Variants in GATAD1 observed in about 807,000 individuals in gnomAD.
GATAD1 encodes the protein GATA zinc finger domain containing 1.
In GATAD1, 12 loss-of-function variants were observed where a neutral mutation model predicts 26.5. The ratio of observed to expected loss-of-function variants is 0.45; its 90% CI spans 0.29 to 0.73. The LOEUF (loss-of-function observed/expected upper bound fraction) is 0.73, where lower values mean the gene tolerates loss of function less well. Ranked by LOEUF, GATAD1 falls within the 30% of genes least tolerant of loss-of-function variation. The pLI is 0.10. For synonymous variants in GATAD1, 129 were observed against 133.1 expected (o/e 0.97, Z 0.21); for missense variants, 266 against 342.1 (o/e 0.78, Z 1.75).
At chr7:92,448,110 C>A in intron 1 of GATAD1, 132 bp downstream of exon 1, 1 of 542,002 alleles carries the variant, frequency 1.8e-6, no homozygotes, top group South Asian at 9.4e-5. Flanking sequence ...CGCCCCTCCC[C>A]ACCTCCTACT....
At chr7:92,474,748 C>T in the GATAD1 span, 4 of 152,150 alleles carry the variant, frequency 2.6e-5, no homozygotes, top group Non-Finnish European at 5.9e-5. Context: ...TTGTCCTAAC[C>T]CTTGTAAAAC....
Position 92,458,662 on chromosome 7 carries a change from T to C in GATAD1, c.*2100T>C, listed in dbSNP as rs1310111830. On this transcript the variant is annotated 3_prime_UTR_variant, in exon 5 of 5. Coordinates refer to ENST00000287957, the MANE Select transcript of GATAD1 (RefSeq NM_021167.5). ...GATTTTGAGCTGCAGCAGCTTTAAC[T>C]CTTACCCTTTTTCCACATAGTTATG... is the stretch of plus-strand genomic sequence containing the variant. 1 of 152,190 alleles carries C rather than the reference T, an allele frequency of 6.6e-6. No individual in the cohort carries two copies. The highest frequency in any genetic ancestry group is 1.5e-5 in the Non-Finnish European group (1 of 68,026). 9.4% of individuals were successfully genotyped at this position (152,190 alleles called of 1,614,324 possible).
At chr7:92,453,260 C>T (rs1219390664) in intron 3 of GATAD1, among the ~76,000 whole-genome samples, 1 of 152,240 alleles carries the variant, frequency 6.6e-6, no homozygotes, top group Non-Finnish European at 1.5e-5. Context: ...CAATGAATTA[C>T]ACTGTTCCCG....
the GATAD1 span, chr7:92,487,614 C>A: frequency 4.7e-6 from 3 of 644,794 alleles, no homozygotes; most frequent in South Asian, 2.2e-5. Context: ...GGATTGTTGG[C>A]AAACACAATT....
the GATAD1 span, among the ~76,000 whole-genome samples, chr7:92,484,863 A>G: frequency 1.3e-5 from 2 of 152,170 alleles, no homozygotes; most frequent in African/African-American, 4.8e-5. Flanking sequence ...CCGTGTGAAG[A>G]GAGTCCACCA....
chr7:92,467,332 A>G, the GATAD1 span, among the ~76,000 whole-genome samples: 3 of 152,120 alleles, frequency 2.0e-5, no homozygotes, highest in African/African-American at 7.2e-5. Context: ...AAAAAATTAT[A>G]TACATATATA....
rs1447421200 is a variant in GATAD1 at position 92,458,744 on chromosome 7, T to C, written c.*2182T>C. 1 of 152,244 alleles carries C rather than the reference T, an allele frequency of 6.6e-6. No homozygotes were observed. Among genetic ancestry groups the C allele is most frequent in the Non-Finnish European group, 1.5e-5 (1 of 68,038 alleles). The allele number at this position is 152,244 out of a possible 1,614,324, so 9.4% of individuals were successfully genotyped here. A position where few individuals can be genotyped will look rare whatever the true frequency, so the allele number is the denominator to read the frequency against. ...AGCTACACGTACATAATTATCTCTT[T>C]ATTCACAAAGGGTATAGTAAAATTG... On this transcript the variant is annotated 3_prime_UTR_variant, in exon 5 of 5. Transcript: ENST00000287957.
At chr7:92,484,864 G>C in the GATAD1 span, among the ~76,000 whole-genome samples, 1 of 152,156 alleles carries the variant, frequency 6.6e-6, no homozygotes, top group South Asian at 2.1e-4. Context: ...CGTGTGAAGA[G>C]AGTCCACCAA....
downstream of GATAD1, among the ~76,000 whole-genome samples, chr7:92,460,776 C>CAAAAAAA (rs557542327): frequency 3.2e-5 from 2 of 63,342 alleles, no homozygotes; most frequent in Non-Finnish European, 3.4e-5. Context: ...GACCTTCTCT[C>CAAAAAAA]AAAAAAAAAA....
downstream of GATAD1, chr7:92,461,294 A>C (rs1387836581): frequency 6.6e-6 from 1 of 152,264 alleles, no homozygotes; most frequent in Non-Finnish European, 1.5e-5. Flanking sequence ...CCTGTCCTCC[A>C]CTTGAAATCT....
At chr7:92,469,462 C>T in the GATAD1 span, 153,773 of 757,894 alleles carry the variant, frequency 0.2, 16,192 homozygotes, top group East Asian at 0.32. Flanking sequence ...TATGACATAA[C>T]TGTATAAATC....
intron 1 of GATAD1, among the ~76,000 whole-genome samples, 165 bp downstream of exon 1, chr7:92,448,143 C>G (rs1211841223): frequency 6.6e-6 from 1 of 152,230 alleles, no homozygotes; most frequent in Non-Finnish European, 1.5e-5. Context: ...TTGGCCCATT[C>G]CGAAGCACCT....
chr7:92,489,219 C>A, the GATAD1 span: 1 of 1,291,484 alleles, frequency 7.7e-7, no homozygotes, highest in Non-Finnish European at 1.1e-6. Flanking sequence ...TAAACACGAA[C>A]TTTAAAGGTT....
At position 92,458,820 on chromosome 7, in the gene GATAD1, G is replaced by A. The variant is rs1789799970; in HGVS notation, c.*2258G>A. On this transcript the variant is annotated 3_prime_UTR_variant, in exon 5 of 5. Transcript: ENST00000287957. Reference sequence around the variant, plus strand: ...ATATTCAAAACTTTTGGATTAAAATGTATTTTTCACCGTGCATTTACTTTG... The same window carrying A: ...ATATTCAAAACTTTTGGATTAAAATATATTTTTCACCGTGCATTTACTTTG... 1.3e-5 allele frequency: 2 copies of A among 152,140 alleles called. No homozygotes were observed. The highest frequency in any genetic ancestry group is 1.9e-4 in the East Asian group (1 of 5,200). 9.4% of individuals were successfully genotyped at this position (152,140 alleles called of 1,614,324 possible). A position where few individuals can be genotyped will look rare whatever the true frequency, so the allele number is the denominator to read the frequency against.
At chr7:92,454,443 T>C (rs1789578838) in intron 3 of GATAD1, 59 bp from the exon 4 acceptor site, 1 of 1,307,392 alleles carries the variant, frequency 7.6e-7, no homozygotes, top group East Asian at 2.3e-5. Context: ...TAAGGTTCAT[T>C]CATAGCTGTG....
At chr7:92,448,688 A>T in intron 1 of GATAD1, 64 bp from the exon 2 acceptor site, 1 of 1,253,214 alleles carries the variant, frequency 8.0e-7, no homozygotes, top group South Asian at 1.2e-5. Flanking sequence ...AGATGATTGT[A>T]CTGCAACCTT....
At chr7:92,489,282 CT>C in the GATAD1 span, 1 of 1,611,272 alleles carries the variant, frequency 6.2e-7, no homozygotes, top group Non-Finnish European at 8.5e-7. Context: ...AAAACAGAAT[CT>C]GTTACTTACA....
chr7:92,494,362 G>A, the GATAD1 span: 6 of 1,614,000 alleles, frequency 3.7e-6, no homozygotes, highest in South Asian at 5.5e-5. Flanking sequence ...GGTCAATCAA[G>A]TCAGGGCGAC....
the GATAD1 span, chr7:92,491,205 A>C: frequency 9.1e-7 from 1 of 1,093,428 alleles, no homozygotes; most frequent in Non-Finnish European, 1.4e-6. Flanking sequence ...GAGAGAAATC[A>C]CTGCAACTTT....
Sources: gnomAD v4.1 joint callset for allele counts (sites outside exome capture counted in the v4.1 genomes callset) on GRCh38, gnomAD v4.1.1 for gene constraint, MANE v1.5 for transcripts, NCBI Gene and HGNC (gene_info 2026-07-23, HGNC 2026-07-21) for gene names.